The following HPSE variants were observed in gnomAD, a reference collection of about 807,000 sequenced individuals.
HPSE encodes the protein heparanase.
Under a neutral mutation model 65.1 loss-of-function variants are expected in HPSE, and 48 were observed. The ratio of observed to expected loss-of-function variants is 0.74; its 90% CI spans 0.58 to 0.94. The LOEUF is 0.94. Ranked by LOEUF, HPSE falls within the 40% of genes least tolerant of loss-of-function variation. HPSE has a pLI of 0.00. For missense variants in HPSE, 644 were observed against 637.5 expected (o/e 1.01, Z -0.11); for synonymous variants, 243 against 260.0 (o/e 0.93, Z 0.63).
At chr4:83,308,821 TA>T in intron 8 of HPSE, 23 bp downstream of exon 8, 1 of 1,569,446 alleles carries the variant, frequency 6.4e-7, no homozygotes, top group Non-Finnish European at 8.8e-7. Flanking sequence ...CTCTGACCCC[TA>T]AGGCCAGCGC....
At chr4:83,309,802 A>T (rs1378772220) in intron 6 of HPSE, among the ~76,000 whole-genome samples, 1 of 152,238 alleles carries the variant, frequency 6.6e-6, no homozygotes, top group Non-Finnish European at 1.5e-5. Context: ...GTTAATTGGC[A>T]CTGTTCTTCT....
At position 83,302,158 on chromosome 4, in the gene HPSE, G is replaced by A. The variant is rs749624890; in HGVS notation, c.1317C>T (p.Asn439=). ...RKLRVYLHCT[N]TDNPRYKEGD... ...GTGTGTTTCATACTTACTTGTCAGT[G>A]TTTGTGCAATGAAGGTATACTCGAA... The change falls in exon 10 of 12, where the codon AAC becomes AAT. Residue 439 remains asparagine (N), a synonymous_variant. Coordinates refer to ENST00000311412, the MANE Select transcript of HPSE (RefSeq NM_001098540.3). 7 of 1,607,066 alleles carry A rather than the reference G, an allele frequency of 4.4e-6. No individual in the cohort carries two copies. Among genetic ancestry groups the A allele is most frequent in the Non-Finnish European group, 6.0e-6 (7 of 1,173,676 alleles).
At chr4:83,305,988 C>T (rs1322967623) in intron 9 of HPSE, among the ~76,000 whole-genome samples, 2 of 152,148 alleles carry the variant, frequency 1.3e-5, no homozygotes, top group African/African-American at 4.8e-5. Flanking sequence ...CTGCAAATGG[C>T]TTACCTTTAA....
intron 3 of HPSE, among the ~76,000 whole-genome samples, chr4:83,315,043 C>T (rs191346424): frequency 6.6e-6 from 1 of 151,630 alleles, no homozygotes; most frequent in Non-Finnish European, 1.5e-5. Context: ...GTAGTCCCAG[C>T]TACTTGGGAG....
chr4:83,316,387 T>C (rs4693607), intron 3 of HPSE, among the ~76,000 whole-genome samples: 120,491 of 151,308 alleles, frequency 0.8, 48,134 homozygotes, highest in East Asian at 0.87. Context: ...TACTCCTTAC[T>C]CAAAATACGA....
At chr4:83,308,341 G>A (rs530061198) in intron 8 of HPSE, among the ~76,000 whole-genome samples, 9 of 152,274 alleles carry the variant, frequency 5.9e-5, no homozygotes, top group African/African-American at 2.2e-4. Context: ...GGGAGGCAGA[G>A]GTTGCAGTGA....
chr4:83,301,881 C>T (rs1290965202), intron 10 of HPSE, among the ~76,000 whole-genome samples: 18 of 152,066 alleles, frequency 1.2e-4, no homozygotes, highest in Non-Finnish European at 8.8e-5. Context: ...CACTTGAACC[C>T]GGGAGGCGGA....
chr4:83,333,782 A>C (rs1453778248), intron 1 of HPSE, among the ~76,000 whole-genome samples: 1 of 151,730 alleles, frequency 6.6e-6, no homozygotes, highest in South Asian at 2.1e-4. Flanking sequence ...GTAGTCTCCT[A>C]GGTCTCATTT....
Position 83,310,065 on chromosome 4 carries a change from C to G in HPSE, c.856G>C (p.Gly286Arg). The G allele has an allele frequency of 6.2e-7, 1 of 1,610,630 alleles. No individual in the cohort carries two copies. The highest frequency in any genetic ancestry group is 8.5e-7 in the Non-Finnish European group (1 of 1,177,622). ...GTAACTGAATCAATCACTTCTCCACCAGCCTTCAGGAAGCTAGAAAAAAAA... is the reference window on the plus strand; with the variant it reads ...GTAACTGAATCAATCACTTCTCCACGAGCCTTCAGGAAGCTAGAAAAAAAA... ...AKMLKSFLKA[G>R]GEVIDSVTWH... Residue 286 changes from glycine to arginine, a missense_variant, in exon 6 of 12, where the codon GGT becomes CGT. By Grantham distance (125) the Gly-to-Arg change is moderately radical. Coordinates refer to ENST00000311412, the MANE Select transcript of HPSE (RefSeq NM_001098540.3).
chr4:83,296,372 A>C (rs982373333), intron 11 of HPSE, among the ~76,000 whole-genome samples: 1 of 152,148 alleles, frequency 6.6e-6, no homozygotes, highest in African/African-American at 2.4e-5. Context: ...CTCTTTAAAT[A>C]TTGAAAACTT....
At chr4:83,311,457 A>G (rs1353397748) in intron 4 of HPSE, among the ~76,000 whole-genome samples, 1 of 152,202 alleles carries the variant, frequency 6.6e-6, no homozygotes, top group Non-Finnish European at 1.5e-5. Flanking sequence ...ATGGATATGG[A>G]TATCTGGGAA....
In HPSE at chr4:83,322,247, T is replaced by C. The variant is rs761404596; in HGVS notation, c.345A>G (p.Arg115=). The change falls in exon 2 of 12, where the codon AGA becomes AGG. Residue 115 remains arginine, a synonymous_variant. Transcript: ENST00000311412. ...GGTTGACTTGAGATTGCCAGTAACT[T>C]CTCTCTTCAAAGGTTGATTCCTTCT... ...DPKKESTFEE[R]SYWQSQVNQD... is the part of the protein sequence containing the mutation. 1 of 1,613,682 alleles carries C rather than the reference T, an allele frequency of 6.2e-7. No homozygotes were observed. The highest frequency in any genetic ancestry group is 1.3e-5 in the African/African-American group (1 of 74,906).
Position 83,319,458 on chromosome 4 carries a change from A to AT in HPSE, c.384dup (p.Tyr129IlefsTer7), listed in dbSNP as rs931110499. On this transcript the variant is annotated frameshift_variant, in exon 3 of 12. Coordinates refer to ENST00000311412, the MANE Select transcript of HPSE (RefSeq NM_001098540.3). LOFTEE classifies it high-confidence loss of function. ...TCCACATCAGGAGGGATGGATCCAT[A>AT]TTTGCAAATATCTGCAAGTGGAAGA... 1 of 1,613,716 alleles carries AT rather than the reference A, an allele frequency of 6.2e-7. No individual in the cohort carries two copies.
rs192633590 is a variant in HPSE at position 83,332,648 on chromosome 4, G to T, written c.227+1908C>A. On this transcript the variant is annotated intron_variant, in intron 1 of 11. Coordinates refer to ENST00000311412, the MANE Select transcript of HPSE (RefSeq NM_001098540.3). ...AAGAGATGTATTTAAGAAGAATAAAGGTATCATCCTCACTAAATTGCAGAT... is the reference window on the plus strand; with the variant it reads ...AAGAGATGTATTTAAGAAGAATAAATGTATCATCCTCACTAAATTGCAGAT... Among the ~76,000 whole-genome samples the T allele has an allele frequency of 3.2e-4, 48 of 152,334 alleles. 2 individuals are homozygous for T. The East Asian group carries it at 8.9e-3, about 28-fold the overall frequency.
intron 3 of HPSE, among the ~76,000 whole-genome samples, chr4:83,315,430 A>G (rs959382927): frequency 6.6e-6 from 1 of 152,182 alleles, no homozygotes; most frequent in African/African-American, 2.4e-5. Context: ...TCATTTTTCT[A>G]GGAGGAAACT....
At chr4:83,301,157 T>C in intron 10 of HPSE, 51 bp from the exon 11 acceptor site, 1 of 1,230,878 alleles carries the variant, frequency 8.1e-7, no homozygotes, top group Non-Finnish European at 1.1e-6. Context: ...ATTTAAGCAA[T>C]TAAAAACTCA....
At position 83,294,639 on chromosome 4, in the gene HPSE, G is replaced by C. The variant is rs1186005854; in HGVS notation, c.*705C>G. ...GCCAAGTGTGATGGCATGTGTCTGT[G>C]GTCCTAGCTACTTGGGAGGCTAAGC... On this transcript the variant is annotated 3_prime_UTR_variant, in exon 12 of 12. Coordinates refer to ENST00000311412, the MANE Select transcript of HPSE (RefSeq NM_001098540.3). The C allele has an allele frequency of 6.6e-6, 1 of 152,174 alleles. No individual in the cohort carries two copies. Among genetic ancestry groups the C allele is most frequent in the Non-Finnish European group, 1.5e-5 (1 of 68,084 alleles). 9.4% of individuals were successfully genotyped at this position (152,174 alleles called of 1,614,324 possible). A position where few individuals can be genotyped will look rare whatever the true frequency, so the allele number is the denominator to read the frequency against.
intron 2 of HPSE, among the ~76,000 whole-genome samples, chr4:83,320,813 C>A (rs937745501): frequency 6.6e-6 from 1 of 152,134 alleles, no homozygotes; most frequent in Non-Finnish European, 1.5e-5. Flanking sequence ...CCCCTAGACA[C>A]AGGATGAAGA....
chr4:83,332,549 C>T lies in HPSE; in HGVS notation c.227+2007G>A, dbSNP rs558897305. Among the ~76,000 whole-genome samples the T allele has an allele frequency of 2.0e-5, 3 of 152,320 alleles. No homozygotes were observed. In the East Asian group the frequency reaches 5.8e-4, roughly 29 times the overall value. On this transcript the variant is annotated intron_variant, in intron 1 of 11. Transcript: ENST00000311412. ...TTTTATGTATCACATGTTATGCTCT[C>T]TTGGTATTTCATTATACTCCAGTCT...
Sources: allele counts gnomAD v4.1 joint callset (sites outside exome capture counted in the v4.1 genomes callset), GRCh38; gene constraint gnomAD v4.1.1; transcripts MANE v1.5; gene names NCBI Gene and HGNC (gene_info 2026-07-23, HGNC 2026-07-21).